The following F5 variants were observed in gnomAD, a reference collection of about 807,000 sequenced individuals.
F5 encodes coagulation factor V.
A neutral mutation model predicts 216.4 loss-of-function variants in F5; 138 were observed. The ratio of observed to expected loss-of-function variants is 0.64; its 90% CI spans 0.56 to 0.73. F5 has a LOEUF of 0.73. F5 is among the 30% of genes least tolerant of loss of function. The pLI is 0.00. For synonymous variants in F5, 916 were observed against 930.7 expected, an observed-to-expected ratio of 0.98 and a Z score of 0.29; for missense variants, 2,403 against 2,674.0, an observed-to-expected ratio of 0.90 and a Z score of 2.24.
At chr1:169,549,502 A>G (rs2101824976) in intron 10 of F5, among the ~76,000 whole-genome samples, 1 of 152,358 alleles carries the variant, frequency 6.6e-6, no homozygotes, top group South Asian at 2.1e-4. Context: ...AAAGGAAGAA[A>G]TTAGGAAAGG....
chr1:169,551,601 T>C (rs535422232), intron 8 of F5, among the ~76,000 whole-genome samples: 61 of 152,166 alleles, frequency 4.0e-4, no homozygotes, highest in Admixed American at 2.6e-4. Flanking sequence ...CTTTTGTCCT[T>C]TGGCTATTTT....
chr1:169,547,298 G>C (rs373490637), intron 10 of F5, among the ~76,000 whole-genome samples: 1 of 152,096 alleles, frequency 6.6e-6, no homozygotes, highest in East Asian at 1.9e-4. Context: ...CTTTCATGAC[G>C]AACATGCCAA....
Position 169,540,932 on chromosome 1 carries a change from T to G in F5, c.4158A>C (p.Pro1386=), listed in dbSNP as rs772368983. 3 of 1,613,898 alleles carry G rather than the reference T, an allele frequency of 1.9e-6. No homozygotes were observed. Among genetic ancestry groups the G allele is most frequent in the African/African-American group, 1.3e-5 (1 of 74,894 alleles). Residue 1386 remains proline (P), a synonymous_variant, in exon 13 of 25, where the codon CCA becomes CCC. Coordinates refer to ENST00000367797, the MANE Select transcript of F5 (RefSeq NM_000130.5). The stretch of plus-strand genomic sequence containing the variant: ...CAAAGAGGGGCATCTCACTGAGGTC[T>G]GGGGAAAGGTTTGTCTGACTGAGTT... ...SPELSQTNLS[P]DLSEMPLFAD...
Position 169,540,693 on chromosome 1 carries a change from G to A in F5, c.4397C>T (p.Pro1466Leu), listed in dbSNP as rs183082585. The A allele has an allele frequency of 6.2e-7, 1 of 1,614,080 alleles. No homozygotes were observed. The highest frequency in any genetic ancestry group is 1.1e-5 in the South Asian group (1 of 91,074). Residue 1466 changes from proline (P) to leucine (L), a missense_variant, in exon 13 of 25, where the codon CCT becomes CTT. By Grantham distance (98) the Pro-to-Leu change is moderately conservative. This residue lies in a region of F5 where 293 missense variants were observed against 270.8 expected (regional missense o/e 1.08). Transcript: ENST00000367797. ...AAGCAATGACTGACTAGATTCAGAA[G>A]GGTAGAATATCTGATCAAGGTCTGG... is the stretch of plus-strand genomic sequence containing the variant. ...PPPDLDQIFY[P>L]SESSQSLLLQ...
chr1:169,583,830 A>C (rs1393949110), intron 1 of F5, among the ~76,000 whole-genome samples: 1 of 152,250 alleles, frequency 6.6e-6, no homozygotes, highest in Non-Finnish European at 1.5e-5. Context: ...AAGTACTTTT[A>C]GAATAGCTAG....
chr1:169,513,342 C>T lies in F5; in HGVS notation c.*971G>A, dbSNP rs1430962856. 6.6e-6 allele frequency among the ~76,000 whole-genome samples: 1 copy of T among 151,902 alleles called. No individual in the cohort carries two copies. The highest frequency in any genetic ancestry group is 1.5e-5 in the Non-Finnish European group (1 of 67,952). On this transcript the variant is annotated 3_prime_UTR_variant, in exon 25 of 25. Coordinates refer to ENST00000367797, the MANE Select transcript of F5 (RefSeq NM_000130.5). ...CTATCTCATGTGATTTTAAGGATGT[C>T]TAAAGGTTCCCCAGTTGTGCAATAT... is the stretch of plus-strand genomic sequence containing the variant.
At chr1:169,581,900 T>G (rs1220627224) in intron 2 of F5, among the ~76,000 whole-genome samples, 2 of 152,142 alleles carry the variant, frequency 1.3e-5, no homozygotes, top group Non-Finnish European at 2.9e-5. Context: ...TTTGAATGAA[T>G]CTAGGGAGCC....
chr1:169,585,976 A>G (rs1365023550), intron 1 of F5, among the ~76,000 whole-genome samples: 1 of 152,232 alleles, frequency 6.6e-6, no homozygotes, highest in South Asian at 2.1e-4. Flanking sequence ...TATTGAAAAT[A>G]AACTTGAAAA....
At position 169,549,884 on chromosome 1, in the gene F5, C is replaced by T; in HGVS notation, c.1528G>A (p.Asp510Asn). 6.2e-7 allele frequency: 1 copy of T among 1,614,130 alleles called. No individual in the cohort carries two copies. Among genetic ancestry groups the T allele is most frequent in the South Asian group, 1.1e-5 (1 of 91,078 alleles). ...CCAGAGGCGATGTCTCTCATGATGT[C>T]CACGTCACTGTAGTATGGTCTTGTT... ...CLTRPYYSDVDIMRDIASGLI... is the reference protein window; with the variant it reads ...CLTRPYYSDVNIMRDIASGLI... Residue 510 changes from aspartate (D) to asparagine (N), a missense_variant, in exon 10 of 25, where the codon GAC (aspartate) becomes AAC (asparagine). Around this residue, in one of 4 missense-constraint regions of F5, gnomAD observed 1,425 missense variants for 1,554.8 expected, o/e 0.92. Transcript: ENST00000367797.
Position 169,542,151 on chromosome 1 carries a change from C to A in F5, c.2939G>T (p.Arg980Leu), listed in dbSNP as rs9332605. ...NWLISPQNAS[R>L]AWGESTPLAN... ...AAGAGGGGTGCTTTCTCCCCAAGCA[C>A]GTGAGGCATTCTGGGGGCTGATCAG... The change falls in exon 13 of 25, where the codon CGT (arginine) becomes CTT (leucine). Residue 980 changes from arginine to leucine, a missense_variant. By Grantham distance (102) the Arg-to-Leu change is moderately radical. Around this residue, in one of 4 missense-constraint regions of F5, gnomAD observed 1,425 missense variants for 1,554.8 expected, o/e 0.92. Transcript: ENST00000367797. 4.1e-4 allele frequency: 657 copies of A among 1,614,044 alleles called. 1 individual carries two copies. The African/African-American group carries it at 7.3e-3, about 18-fold the overall frequency.
rs9332551 is a variant in F5, at chr1:169,568,064, G to A, written c.373+4157C>T. ...CACATACTGGGCTTAAAAAATTATT[G>A]TATATACTTGTGTACATGATATTTT... On this transcript the variant is annotated intron_variant, in intron 3 of 24. Transcript: ENST00000367797. 9.1e-3 allele frequency among the ~76,000 whole-genome samples: 1,379 copies of A among 152,148 alleles called. 25 individuals are homozygous for A. Among genetic ancestry groups the A allele is most frequent in the African/African-American group, 0.032 (1,309 of 41,534 alleles).
At chr1:169,553,817 T>C (rs2101828158) in intron 7 of F5, among the ~76,000 whole-genome samples, 1 of 152,228 alleles carries the variant, frequency 6.6e-6, no homozygotes, top group South Asian at 2.1e-4. Context: ...GGCAAGGTCA[T>C]GGAGAGAAAG....
chr1:169,568,411 T>A (rs1004671690), intron 3 of F5, among the ~76,000 whole-genome samples: 1 of 152,118 alleles, frequency 6.6e-6, no homozygotes, highest in Non-Finnish European at 1.5e-5. Flanking sequence ...TAGTCTAGAA[T>A]AAAACAGGTT....
Position 169,512,758 on chromosome 1 carries a change from A to G in F5, c.*1555T>C, listed in dbSNP as rs554311153. 6.6e-6 allele frequency among the ~76,000 whole-genome samples: 1 copy of G among 152,230 alleles called. No homozygotes were observed. Among genetic ancestry groups the G allele is most frequent in the African/African-American group, 2.4e-5 (1 of 41,574 alleles). On this transcript the variant is annotated 3_prime_UTR_variant, in exon 25 of 25. Transcript: ENST00000367797. ...TTGTGGATGTTTGAAACTCTCATAT[A>G]CATTCATAGGGCTTACCCCACTGGT...
At chr1:169,527,270 C>G (rs2101809198) in intron 17 of F5, among the ~76,000 whole-genome samples, 1 of 152,270 alleles carries the variant, frequency 6.6e-6, no homozygotes, top group East Asian at 1.9e-4. Flanking sequence ...TAACTGACTT[C>G]CTAGGTTTTT....
In F5 at chr1:169,586,209, G is replaced by A. The variant is rs547304432; in HGVS notation, c.158+20C>T. On this transcript the variant is annotated intron_variant, in intron 1 of 24. Coordinates refer to ENST00000367797, the MANE Select transcript of F5 (RefSeq NM_000130.5). ...TTTTCCTCTCTAGAGAAGCCCACCC[G>A]GACTCCACACCTGAGTTACCTTGAG... is the stretch of plus-strand genomic sequence containing the variant. 3.1e-6 allele frequency: 5 copies of A among 1,613,666 alleles called. No homozygotes were observed. Among genetic ancestry groups the A allele is most frequent in the South Asian group, 1.1e-5 (1 of 91,056 alleles).
At chr1:169,549,543 A>G (rs1310759947) in intron 10 of F5, among the ~76,000 whole-genome samples, 3 of 151,870 alleles carry the variant, frequency 2.0e-5, no homozygotes, top group Non-Finnish European at 4.4e-5. Context: ...ATCCAATACC[A>G]ACAGACCTGG....
chr1:169,534,571 G>C (rs182190363), intron 14 of F5, among the ~76,000 whole-genome samples: 264 of 152,076 alleles, frequency 1.7e-3, no homozygotes, highest in African/African-American at 6.1e-3. Flanking sequence ...GGGAGGCTGA[G>C]GCAGGAGAAT....
Position 169,556,661 on chromosome 1 carries a change from G to A in F5, c.937C>T (p.Pro313Ser). 6.2e-7 allele frequency: 1 copy of A among 1,613,988 alleles called. No individual in the cohort carries two copies. The highest frequency in any genetic ancestry group is 8.5e-7 in the Non-Finnish European group (1 of 1,179,948). Reference sequence around the variant, plus strand: ...AGTTTCTTGCCTTGCAAATGTTTTGGGGTGAGAGAAGATATGATCCACTTT... The same window carrying A: ...AGTTTCTTGCCTTGCAAATGTTTTGAGGTGAGAGAAGATATGATCCACTTT... ...EGKWIISSLT[P>S]KHLQAGMQAY... Residue 313 changes from proline (P) to serine (S), a missense_variant, in exon 6 of 25, where the codon CCA becomes TCA. By Grantham distance (74) the Pro-to-Ser change is moderately conservative (BLOSUM62 -1). This residue lies in a region of F5 where 1,425 missense variants were observed against 1,554.8 expected (regional missense o/e 0.92). Transcript: ENST00000367797.
Sources: allele counts gnomAD v4.1 joint callset (sites outside exome capture counted in the v4.1 genomes callset), GRCh38; gene constraint gnomAD v4.1.1; regional missense constraint gnomAD v4.1.1; transcripts MANE v1.5; gene names NCBI Gene and HGNC (gene_info 2026-07-23, HGNC 2026-07-21).